DMD: variants seen among roughly 807,000 people sequenced by gnomAD.
DMD encodes the protein mutant dystrophin.
Under a neutral mutation model 330.1 loss-of-function variants are expected in DMD, and 63 were observed. The ratio of observed to expected loss-of-function variants is 0.19; its 90% CI spans 0.16 to 0.24. The LOEUF (loss-of-function observed/expected upper bound fraction) is 0.24, where lower values mean the gene tolerates loss of function less well. Ranked by LOEUF, DMD falls within the 10% of genes least tolerant of loss-of-function variation. DMD has a pLI of 1.00. For missense variants in DMD, 3,344 were observed against 2,684.1 expected, an observed-to-expected ratio of 1.25 and a Z score of -5.43; for synonymous variants, 1,223 against 959.8, an observed-to-expected ratio of 1.27 and a Z score of -5.07.
chrX:31,628,232 G>A (rs2078953919), intron 54 of DMD, among the ~76,000 whole-genome samples: 1 of 109,718 alleles, frequency 9.1e-6, no homozygotes, highest in African/African-American at 3.4e-5. Flanking sequence ...AATTTTGAAA[G>A]CTTATTTTTA....
Position 32,733,653 on chromosome X carries a change from C to T in DMD, c.650-34360G>A, listed in dbSNP as rs776421492. On this transcript the variant is annotated intron_variant, in intron 7 of 78. Coordinates refer to ENST00000357033, the MANE Select transcript of DMD (RefSeq NM_004006.3). ...TACATGGAAACTGAACAACCTCCTC[C>T]TGAATGACTACGGGGTGCATAATGA... Among the ~76,000 whole-genome samples, 12 of 111,658 alleles carry T rather than the reference C, an allele frequency of 1.1e-4. No homozygotes were observed. The East Asian group carries it at 3.4e-3, about 31-fold the overall frequency.
intron 26 of DMD, among the ~76,000 whole-genome samples, chrX:32,451,377 CTAGAGTTATAA>C (rs1168804427): frequency 9.1e-6 from 1 of 109,664 alleles, no homozygotes; most frequent in Non-Finnish European, 1.9e-5. Flanking sequence ...AGCACTAGTA[CTAGAGTTATAA>C]TAGAGTAAAA....
At chrX:32,480,391 T>C (rs1399047017) in intron 21 of DMD, among the ~76,000 whole-genome samples, 2 of 108,778 alleles carry the variant, frequency 1.8e-5, no homozygotes, top group Non-Finnish European at 3.8e-5. Context: ...TGTGTGTGTG[T>C]GTGTGTGTGT....
chrX:31,949,572 T>G (rs1200344555), intron 45 of DMD, among the ~76,000 whole-genome samples: 1 of 111,480 alleles, frequency 9.0e-6, no homozygotes, highest in Non-Finnish European at 1.9e-5. Context: ...AGGATTGTAT[T>G]GTCTGTGAAT....
rs945990936 is a variant in DMD at position 32,125,163 on chromosome X, A to G, written c.6438+91753T>C. 2.7e-5 allele frequency among the ~76,000 whole-genome samples: 3 copies of G among 110,969 alleles called. No individual in the cohort carries two copies. In the Admixed American group the frequency reaches 2.9e-4, roughly 11 times the overall value. Reference sequence around the variant, plus strand: ...ATTTATATTTATTAAATATCACACTATCTGTAGGCAGAACAGTCTGGTGGG... The same window carrying G: ...ATTTATATTTATTAAATATCACACTGTCTGTAGGCAGAACAGTCTGGTGGG... On this transcript the variant is annotated intron_variant, in intron 44 of 78. Transcript: ENST00000357033.
chrX:32,362,885 GC>G lies in DMD; in HGVS notation c.5227del (p.Ala1743GlnfsTer10), dbSNP rs1330838166. 1 of 1,211,101 alleles carries G rather than the reference GC, an allele frequency of 8.3e-7. No homozygotes were observed. The highest frequency in any genetic ancestry group is 1.1e-6 in the Non-Finnish European group (1 of 895,137). On this transcript the variant is annotated frameshift_variant, in exon 37 of 79. Coordinates refer to ENST00000357033, the MANE Select transcript of DMD (RefSeq NM_004006.3). LOFTEE classifies it high-confidence loss of function. ...TTTCCTGCAGTGGTCACCGCGGTTT[GC>G]CATCAAGTTTGCTGCTTGGTCACGT... ...STRDQAANLMANRGDHCRKLV... is the reference protein window; with the variant it reads ...STRDQAANLMXNRGDHCRKLV...
intron 55 of DMD, among the ~76,000 whole-genome samples, chrX:31,558,084 G>A (rs997227012): frequency 8.9e-6 from 1 of 112,105 alleles, no homozygotes; most frequent in Non-Finnish European, 1.9e-5. Flanking sequence ...AGAAATTATT[G>A]GAAGATAACA....
intron 30 of DMD, among the ~76,000 whole-genome samples, chrX:32,395,264 T>A (rs2147709194): frequency 8.9e-6 from 1 of 112,144 alleles, no homozygotes; most frequent in East Asian, 2.8e-4. Flanking sequence ...ATCGTTCAGC[T>A]TCTACTACTC....
intron 1 of DMD, among the ~76,000 whole-genome samples, chrX:33,294,084 T>C (rs1302749165): frequency 9.0e-6 from 1 of 111,421 alleles, no homozygotes; most frequent in Non-Finnish European, 1.9e-5. Flanking sequence ...GCCATGTCTA[T>C]CCAGAGTAAA....
chrX:32,852,033 G>C (rs939227581), intron 2 of DMD, among the ~76,000 whole-genome samples: 4 of 111,622 alleles, frequency 3.6e-5, no homozygotes, highest in Admixed American at 9.5e-5. Flanking sequence ...CTCGAAGTCA[G>C]GGGACTTGGT....
At position 31,120,880 on chromosome X, in the gene DMD, TCAATCAACCAAC is replaced by T. The variant is rs2032330602; in HGVS notation, c.*1027_*1038del. 1 of 110,862 alleles carries T rather than the reference TCAATCAACCAAC, an allele frequency of 9.0e-6. No individual in the cohort carries two copies. The highest frequency in any genetic ancestry group is 9.7e-5 in the Admixed American group (1 of 10,353). 9.1% of individuals were successfully genotyped at this position (110,862 alleles called of 1,213,427 possible). On this transcript the variant is annotated 3_prime_UTR_variant, in exon 79 of 79. Transcript: ENST00000357033. The stretch of plus-strand genomic sequence containing the variant: ...GAAGCTGAATGTATCAATCAATCAA[TCAATCAACCAAC>T]CAACCGATTACTCACTCTGATATAA...
At chrX:31,350,502 T>C (rs2058330248) in intron 60 of DMD, among the ~76,000 whole-genome samples, 1 of 111,760 alleles carries the variant, frequency 8.9e-6, no homozygotes, top group Admixed American at 9.5e-5. Flanking sequence ...TCCAACCCTT[T>C]CTGCAGGAGG....
chrX:32,712,641 A>G (rs12008738), intron 7 of DMD, among the ~76,000 whole-genome samples: 6,712 of 110,865 alleles, frequency 0.061, 472 homozygotes, highest in African/African-American at 0.21. Flanking sequence ...CCTGACCATA[A>G]TATGTAGCCA....
intron 1 of DMD, among the ~76,000 whole-genome samples, chrX:33,179,560 G>T (rs759009176): frequency 2.8e-5 from 3 of 108,787 alleles, no homozygotes; most frequent in African/African-American, 1.0e-4. Context: ...CGGGCGTGGT[G>T]GCGGGCGCCT....
At chrX:31,203,849 T>C (rs1026838769) in intron 67 of DMD, 112 bp downstream of exon 67, 11 of 653,605 alleles carry the variant, frequency 1.7e-5, no homozygotes, top group Admixed American at 5.5e-5. Context: ...CCAAATCCCA[T>C]ACCTACTGCC....
intron 2 of DMD, among the ~76,000 whole-genome samples, chrX:33,003,059 T>C (rs1161008898): frequency 9.1e-6 from 1 of 109,778 alleles, no homozygotes; most frequent in African/African-American, 3.3e-5. Flanking sequence ...AGTTCTTTAG[T>C]GGTGATTTCC....
intron 15 of DMD, 72 bp from the exon 16 acceptor site, chrX:32,565,953 T>C: frequency 1.1e-6 from 1 of 911,481 alleles, no homozygotes; most frequent in South Asian, 2.1e-5. Flanking sequence ...CAATCTGCTT[T>C]TGCGTGTATT....
intron 44 of DMD, among the ~76,000 whole-genome samples, chrX:32,201,482 C>T (rs60067112): frequency 1.1e-5 from 1 of 94,546 alleles, no homozygotes; most frequent in African/African-American, 3.9e-5. Context: ...CCCCCCCCCC[C>T]CAACAAGGAG....
chrX:32,802,549 G>C (rs977256885), intron 7 of DMD, among the ~76,000 whole-genome samples: 2 of 111,651 alleles, frequency 1.8e-5, no homozygotes, highest in Admixed American at 9.5e-5. Flanking sequence ...TTTTTGTCTT[G>C]TGCCAGTTTT....
Sources: gnomAD v4.1 joint callset for allele counts (sites outside exome capture counted in the v4.1 genomes callset) on GRCh38, gnomAD v4.1.1 for gene constraint, MANE v1.5 for transcripts, NCBI Gene and HGNC (gene_info 2026-07-23, HGNC 2026-07-21) for gene names.